Variants in ERCC4 observed in about 807,000 individuals in gnomAD.
The protein encoded by ERCC4 is ERCC excision repair 4, endonuclease catalytic subunit.
In ERCC4, 65 loss-of-function variants were observed where a neutral mutation model predicts 76.9. The ratio of observed to expected loss-of-function variants is 0.84; its 90% confidence interval spans 0.69 to 1.04. The LOEUF (loss-of-function observed/expected upper bound fraction) is 1.04, where lower values mean the gene tolerates loss of function less well. Among genes scored for constraint, ERCC4 ranks in the 50% least tolerant of loss-of-function variants. The pLI is 0.00. For synonymous variants in ERCC4, 463 were observed against 410.1 expected, an observed-to-expected ratio of 1.13 and a Z score of -1.56; for missense variants, 1,214 against 1,128.2, an observed-to-expected ratio of 1.08 and a Z score of -1.09.
chr16:13,937,018 C>G (rs542305920), intron 8 of ERCC4, among the ~76,000 whole-genome samples: 1 of 151,062 alleles, frequency 6.6e-6, no homozygotes, highest in Admixed American at 6.6e-5. Context: ...CTTTCCCTGA[C>G]TCACGTGATT....
intron 1 of ERCC4, among the ~76,000 whole-genome samples, chr16:13,920,792 G>T (rs1423400296): frequency 1.3e-5 from 2 of 152,008 alleles, no homozygotes; most frequent in Non-Finnish European, 2.9e-5. Context: ...AAATGGGAGG[G>T]GTCCCCAGGG....
rs774510191 is a variant in ERCC4 at position 13,920,187 on chromosome 16, C to G, written c.22C>G (p.Arg8Gly). 1.0e-5 allele frequency: 16 copies of G among 1,606,276 alleles called. No individual in the cohort carries two copies. Among genetic ancestry groups the G allele is most frequent in the East Asian group, 2.2e-5 (1 of 44,884 alleles). ...TTCCATGGAGTCAGGGCAGCCGGCT[C>G]GACGGATTGCCATGGCGCCGCTGCT... MESGQPA[R>G]RIAMAPLLEY... Residue 8 changes from arginine to glycine, a missense_variant, in exon 1 of 11, where the codon CGA (arginine) becomes GGA (glycine). Coordinates refer to ENST00000311895, the MANE Select transcript of ERCC4 (RefSeq NM_005236.3).
At position 13,951,034 on chromosome 16, in the gene ERCC4, A is replaced by G. The variant is rs893827317; in HGVS notation, c.*2687A>G. On this transcript the variant is annotated 3_prime_UTR_variant, in exon 11 of 11. Coordinates refer to ENST00000311895, the MANE Select transcript of ERCC4 (RefSeq NM_005236.3). ...ACAGTAATTTCTAATGAATTCTAAA[A>G]TGGTCATTGTAAGTGAAAGCCTCTC... 5.3e-6 allele frequency: 1 copy of G among 188,866 alleles called. No homozygotes were observed. Among genetic ancestry groups the G allele is most frequent in the South Asian group, 1.9e-4 (1 of 5,140 alleles). The allele number at this position is 188,866 out of a possible 1,614,324, so 11.7% of individuals were successfully genotyped here.
At chr16:13,927,892 C>A in intron 3 of ERCC4, 136 bp from the exon 4 acceptor site, 2 of 682,552 alleles carry the variant, frequency 2.9e-6, no homozygotes, top group Non-Finnish European at 5.2e-6. Flanking sequence ...AATGTTGTTG[C>A]TTTGCTTTTC....
At chr16:13,925,765 G>A (rs1221294632) in intron 2 of ERCC4, among the ~76,000 whole-genome samples, 2 of 152,110 alleles carry the variant, frequency 1.3e-5, no homozygotes, top group Non-Finnish European at 2.9e-5. Context: ...GATCTAGAAA[G>A]CATGTCTGTA....
intron 2 of ERCC4, among the ~76,000 whole-genome samples, chr16:13,923,608 C>T (rs3136066): frequency 6.6e-6 from 1 of 152,096 alleles, no homozygotes; most frequent in Non-Finnish European, 1.5e-5. Flanking sequence ...ATGCTAACAC[C>T]CTGCTTACAA....
At chr16:13,926,882 A>C (rs2032083149) in intron 3 of ERCC4, 126 bp downstream of exon 3, 1 of 783,586 alleles carries the variant, frequency 1.3e-6, no homozygotes, top group African/African-American at 1.7e-5. Flanking sequence ...GTTTGATAGA[A>C]CCTAGTCAGT....
chr16:13,936,018 G>A (rs897283534), intron 8 of ERCC4, among the ~76,000 whole-genome samples: 5 of 152,054 alleles, frequency 3.3e-5, no homozygotes, highest in African/African-American at 1.2e-4. Flanking sequence ...GCATCGTATG[G>A]GGTACTGTAT....
In ERCC4 at chr16:13,928,129, T is replaced by C. The variant is rs779737289; in HGVS notation, c.686T>C (p.Ile229Thr). 3.7e-6 allele frequency: 6 copies of C among 1,612,816 alleles called. No homozygotes were observed. The highest frequency in any genetic ancestry group is 2.2e-5 in the South Asian group (2 of 91,056). ...TPTMLAIQTA[I>T]LDILNACLKE... Reference sequence around the variant, plus strand: ...ACCATGCTTGCTATACAGACTGCTATACTGGACATTTTAAATGCATGTCTA... The same window carrying C: ...ACCATGCTTGCTATACAGACTGCTACACTGGACATTTTAAATGCATGTCTA... Residue 229 changes from isoleucine (I) to threonine (T), a missense_variant, in exon 4 of 11, where the codon ATA becomes ACA. Physicochemically the swap from Ile to Thr is moderately conservative, Grantham distance 89. Transcript: ENST00000311895.
chr16:13,935,650 T>C lies in ERCC4; in HGVS notation c.1718T>C (p.Val573Ala). ...GCTCTGACAAGGGTACTACATGAAG[T>C]GGAGCCAAGATACGTGGTTCTTTAT... Reference protein sequence around the residue: ...PYALTRVLHEVEPRYVVLYDA... With the variant: ...PYALTRVLHEAEPRYVVLYDA... The change falls in exon 8 of 11, where the codon GTG becomes GCG. Residue 573 changes from valine (V) to alanine (A), a missense_variant. Physicochemically the swap from Val to Ala is moderately conservative, Grantham distance 64 (BLOSUM62 0). Transcript: ENST00000311895. The C allele has an allele frequency of 6.2e-7, 1 of 1,614,066 alleles. No homozygotes were observed. Among genetic ancestry groups the C allele is most frequent in the Non-Finnish European group, 8.5e-7 (1 of 1,180,012 alleles).
At chr16:13,944,917 T>G (rs1032275055) in intron 10 of ERCC4, 82 bp downstream of exon 10, 8 of 910,846 alleles carry the variant, frequency 8.8e-6, no homozygotes, top group Non-Finnish European at 1.5e-5. Flanking sequence ...CAAGGCTTGG[T>G]CTGTATTAAC....
At chr16:13,927,844 C>G in intron 3 of ERCC4, 184 bp from the exon 4 acceptor site, 1 of 593,116 alleles carries the variant, frequency 1.7e-6, no homozygotes, top group Non-Finnish European at 3.0e-6. Flanking sequence ...CTGAATAATA[C>G]ACTGCTTCTA....
chr16:13,926,155 A>T (rs902257754), intron 2 of ERCC4, among the ~76,000 whole-genome samples: 3 of 151,986 alleles, frequency 2.0e-5, no homozygotes, highest in Non-Finnish European at 2.9e-5. Flanking sequence ...TGCTTTCAGA[A>T]ATTCTTCCTC....
chr16:13,930,985 C>G (rs529052430), intron 5 of ERCC4, 95 bp downstream of exon 5: 12 of 808,028 alleles, frequency 1.5e-5, no homozygotes, highest in Non-Finnish European at 2.5e-5. Context: ...CTATATTCAA[C>G]TATATGTTAT....
rs1039773874 is a variant in ERCC4 at position 13,930,950 on chromosome 16, T to C, written c.973+60T>C. 25 of 1,210,332 alleles carry C rather than the reference T, an allele frequency of 2.1e-5. No homozygotes were observed. The African/African-American group carries it at 3.4e-4, about 17-fold the overall frequency. The allele number at this position is 1,210,332 out of a possible 1,614,324, so 75.0% of individuals were successfully genotyped here. A position where few individuals can be genotyped will look rare whatever the true frequency, so the allele number is the denominator to read the frequency against. ...CTGATTTGAATAAAGTGTTAGGTTTTAGGGGGAATCAGGTGTGAAAAGTGC... is the reference window on the plus strand; with the variant it reads ...CTGATTTGAATAAAGTGTTAGGTTTCAGGGGGAATCAGGTGTGAAAAGTGC... On this transcript the variant is annotated intron_variant, in intron 5 of 10. Coordinates refer to ENST00000311895, the MANE Select transcript of ERCC4 (RefSeq NM_005236.3).
intron 3 of ERCC4, chr16:13,927,557 C>CA (rs527349868): frequency 0.077 from 3,948 of 51,238 alleles, 256 homozygotes; most frequent in African/African-American, 0.17. Context: ...AACTCCATCT[C>CA]AAAAAAAAAA....
chr16:13,940,142 T>C (rs927220588), intron 9 of ERCC4, among the ~76,000 whole-genome samples: 1 of 152,066 alleles, frequency 6.6e-6, no homozygotes, highest in Admixed American at 6.5e-5. Flanking sequence ...TCCCAGCACT[T>C]TTGGGAGGCC....
chr16:13,943,854 T>C (rs182166906), intron 9 of ERCC4: 9 of 152,308 alleles, frequency 5.9e-5, no homozygotes, highest in Admixed American at 5.9e-4. Flanking sequence ...TAACATACTT[T>C]ATCAATTTTG....
rs2141607954 is a variant in ERCC4 at position 13,935,615 on chromosome 16, C to T, written c.1683C>T (p.Ser561=). ...LTIIHPLLGC[S]DPYALTRVLH... The stretch of plus-strand genomic sequence containing the variant: ...TCATCCATCCGCTTCTGGGTTGCAG[C>T]GACCCCTATGCTCTGACAAGGGTAC... Residue 561 remains serine, a synonymous_variant, in exon 8 of 11, where the codon AGC becomes AGT. Coordinates refer to ENST00000311895, the MANE Select transcript of ERCC4 (RefSeq NM_005236.3). The T allele has an allele frequency of 6.2e-7, 1 of 1,614,026 alleles. No individual in the cohort carries two copies. The highest frequency in any genetic ancestry group is 8.5e-7 in the Non-Finnish European group (1 of 1,179,924).
Sources: allele counts gnomAD v4.1 joint callset (sites outside exome capture counted in the v4.1 genomes callset), GRCh38; gene constraint gnomAD v4.1.1; transcripts MANE v1.5; gene names NCBI Gene and HGNC (gene_info 2026-07-23, HGNC 2026-07-21).